GFRA2: variants seen among roughly 807,000 people sequenced by gnomAD.
The protein encoded by GFRA2 is GDNF family receptor alpha 2.
A neutral mutation model predicts 48.3 loss-of-function variants in GFRA2; 17 were observed. That is an observed-to-expected ratio of 0.35 (90% CI 0.24 to 0.53). The LOEUF (loss-of-function observed/expected upper bound fraction) is 0.53, where lower values mean the gene tolerates loss of function less well. GFRA2 is among the 20% of genes least tolerant of loss of function. The pLI is 0.93. For synonymous variants in GFRA2, 305 were observed against 257.2 expected, an observed-to-expected ratio of 1.19 and a Z score of -1.78; for missense variants, 660 against 637.3, an observed-to-expected ratio of 1.04 and a Z score of -0.38.
chr8:21,711,777 G>A (rs1445403601), intron 4 of GFRA2, among the ~76,000 whole-genome samples: 2 of 151,562 alleles, frequency 1.3e-5, no homozygotes, highest in Admixed American at 6.6e-5. Context: ...AAGGTCAGCA[G>A]ATAAACAAGT....
intron 3 of GFRA2, among the ~76,000 whole-genome samples, chr8:21,768,399 C>T (rs1806282187): frequency 6.6e-6 from 1 of 152,226 alleles, no homozygotes. Context: ...TCTTCCAGTT[C>T]TTCCCTGCCC....
rs1032058907 is a variant in GFRA2 at position 21,784,294 on chromosome 8, C to G, written c.41-1395G>C. On this transcript the variant is annotated intron_variant, in intron 1 of 8. Coordinates refer to ENST00000524240, the MANE Select transcript of GFRA2 (RefSeq NM_001495.5). ...AAGCCCCTAACTCGAGATCCTGCCA[C>G]CAGGAAAAGCCCGCACCATGGCCCA... 58 of 456,242 alleles carry G rather than the reference C, an allele frequency of 1.3e-4. 1 individual carries two copies. In the Middle Eastern group the frequency reaches 2.0e-3, roughly 15 times the overall value. 28.3% of individuals were successfully genotyped at this position (456,242 alleles called of 1,614,324 possible).
At chr8:21,767,781 A>G (rs1292823619) in intron 3 of GFRA2, among the ~76,000 whole-genome samples, 1 of 152,174 alleles carries the variant, frequency 6.6e-6, no homozygotes, top group East Asian at 1.9e-4. Flanking sequence ...ACCACCATGA[A>G]AGAGGCTTTG....
Position 21,750,212 on chromosome 8 carries a change from G to C in GFRA2, c.794+376C>G, listed in dbSNP as rs1044414979. ...CTGCCTCAGCCTCCTGAGTCGCTGG[G>C]ATTACAGGCATGAGCCACTGCACCC... On this transcript the variant is annotated intron_variant, in intron 4 of 8. Coordinates refer to ENST00000524240, the MANE Select transcript of GFRA2 (RefSeq NM_001495.5). The surrounding 1 kb of genome is among the most constrained non-coding windows in gnomAD (Gnocchi z 5.7). 6.6e-6 allele frequency among the ~76,000 whole-genome samples: 1 copy of C among 152,056 alleles called. No individual in the cohort carries two copies. The highest frequency in any genetic ancestry group is 2.4e-5 in the African/African-American group (1 of 41,388).
At chr8:21,714,753 C>T (rs567766448) in intron 4 of GFRA2, among the ~76,000 whole-genome samples, 50 of 152,272 alleles carry the variant, frequency 3.3e-4, no homozygotes, top group Middle Eastern at 3.4e-3. Flanking sequence ...AAGGCTGGAT[C>T]GCACAGTCAC....
At chr8:21,754,005 TCTC>T (rs914810404) in intron 3 of GFRA2, among the ~76,000 whole-genome samples, 4 of 152,068 alleles carry the variant, frequency 2.6e-5, no homozygotes, top group African/African-American at 9.7e-5. Context: ...ATACAACCAC[TCTC>T]CTCATCTACT....
chr8:21,792,543 A>G (rs1807591060), upstream of GFRA2, among the ~76,000 whole-genome samples: 1 of 152,232 alleles, frequency 6.6e-6, no homozygotes, highest in African/African-American at 2.4e-5. Context: ...CCCTCCCCTG[A>G]AAGCATTTAT....
intron 7 of GFRA2, among the ~76,000 whole-genome samples, chr8:21,697,981 G>A (rs1282177397): frequency 1.3e-5 from 2 of 152,194 alleles, no homozygotes; most frequent in Non-Finnish European, 2.9e-5. Flanking sequence ...CCAGTCTCAG[G>A]TATGTCTTTA....
chr8:21,755,339 T>C (rs189809699), intron 3 of GFRA2, among the ~76,000 whole-genome samples: 35 of 152,266 alleles, frequency 2.3e-4, no homozygotes, highest in African/African-American at 7.7e-4. Context: ...GGGAACTCTC[T>C]GTACCTTCCT....
rs374016003 is a variant in GFRA2, at chr8:21,731,664, T to C, written c.794+18924A>G. ...TTAAAGTCTAACGGCTCCTCGTGCA[T>C]ACATAATTCCAACGCGTTCAATTAT... On this transcript the variant is annotated intron_variant, in intron 4 of 8. Transcript: ENST00000524240. Among the ~76,000 whole-genome samples the C allele has an allele frequency of 4.2e-4, 64 of 152,152 alleles. No homozygotes were observed. The South Asian group carries it at 0.013, about 30-fold the overall frequency.
intron 3 of GFRA2, among the ~76,000 whole-genome samples, chr8:21,769,716 G>A (rs1051724871): frequency 3.9e-5 from 6 of 152,110 alleles, no homozygotes; most frequent in Admixed American, 1.3e-4. Flanking sequence ...AGACCAACAC[G>A]TACAATCGCA....
At chr8:21,744,812 C>T (rs1484133651) in intron 4 of GFRA2, among the ~76,000 whole-genome samples, 1 of 152,114 alleles carries the variant, frequency 6.6e-6, no homozygotes, top group African/African-American at 2.4e-5. Flanking sequence ...AGCTTAAGTC[C>T]ACAGCCCTAA....
At chr8:21,719,352 C>T (rs140419802) in intron 4 of GFRA2, among the ~76,000 whole-genome samples, 254 of 152,204 alleles carry the variant, frequency 1.7e-3, no homozygotes, top group African/African-American at 5.9e-3. Flanking sequence ...TCCTTCACGT[C>T]CTCCAAAAAC....
At chr8:21,725,587 T>C (rs79169107) in intron 4 of GFRA2, among the ~76,000 whole-genome samples, 2,482 of 152,372 alleles carry the variant, frequency 0.016, 61 homozygotes, top group African/African-American at 0.057. Flanking sequence ...ACTAACAATT[T>C]TGAGTGTTTA....
intron 4 of GFRA2, among the ~76,000 whole-genome samples, chr8:21,725,512 A>G (rs539341773): frequency 3.3e-4 from 50 of 152,316 alleles, no homozygotes; most frequent in Non-Finnish European, 4.4e-4. Flanking sequence ...TTCTATAATT[A>G]TTTCCTTTTA....
Position 21,754,484 on chromosome 8 carries a change from C to T in GFRA2, c.440-3542G>A, listed in dbSNP as rs998654024. Reference sequence around the variant, plus strand: ...GCCATTCACCCAACACTTTGTCTGACCAACAATGGTCTTTTTTTTTCTTTT... The same window carrying T: ...GCCATTCACCCAACACTTTGTCTGATCAACAATGGTCTTTTTTTTTCTTTT... On this transcript the variant is annotated intron_variant, in intron 3 of 8. Transcript: ENST00000524240. Among the ~76,000 whole-genome samples, 21 of 151,662 alleles carry T rather than the reference C, an allele frequency of 1.4e-4. No homozygotes were observed. The Middle Eastern group carries it at 0.014, about 100-fold the overall frequency.
In GFRA2 at chr8:21,728,272, T is replaced by TTG. The variant is rs1803988520; in HGVS notation, c.795-22232_795-22231insCA. 6.7e-5 allele frequency among the ~76,000 whole-genome samples: 9 copies of TTG among 134,006 alleles called. No homozygotes were observed. The South Asian group carries it at 2.3e-3, about 34-fold the overall frequency. The allele number at this position is 134,006 out of a possible 152,430, so 87.9% of individuals were successfully genotyped here. A position where few individuals can be genotyped will look rare whatever the true frequency, so the allele number is the denominator to read the frequency against. On this transcript the variant is annotated intron_variant, in intron 4 of 8. Transcript: ENST00000524240. ...ACAGACTCCGGGAACCAGGTTTTTT[T>TTG]TTTTTTTTTTTTTTTTTTTTGAGAT... is the stretch of plus-strand genomic sequence containing the variant.
At chr8:21,727,961 C>A (rs993910770) in intron 4 of GFRA2, among the ~76,000 whole-genome samples, 2 of 152,200 alleles carry the variant, frequency 1.3e-5, no homozygotes, top group East Asian at 3.9e-4. Flanking sequence ...AGGCACACTC[C>A]TTCTACCATA....
At chr8:21,746,877 C>G (rs1213968691) in intron 4 of GFRA2, among the ~76,000 whole-genome samples, 1 of 152,144 alleles carries the variant, frequency 6.6e-6, no homozygotes, top group Admixed American at 6.5e-5. Flanking sequence ...CCACAAGTTA[C>G]CCTGCTCCAA....
Sources: allele counts gnomAD v4.1 joint callset (sites outside exome capture counted in the v4.1 genomes callset), GRCh38; gene constraint gnomAD v4.1.1; non-coding constraint Gnocchi (gnomAD v3.1); transcripts MANE v1.5; gene names NCBI Gene and HGNC (gene_info 2026-07-23, HGNC 2026-07-21).